The following CNTN5 variants were observed in gnomAD, a reference collection of about 807,000 sequenced individuals.
CNTN5 encodes contactin-5.
In CNTN5, 77 loss-of-function variants were observed where a neutral mutation model predicts 129.1. The observed-to-expected ratio is 0.60, with a 90% confidence interval of 0.50 to 0.72. The LOEUF (loss-of-function observed/expected upper bound fraction) is 0.72, where lower values mean the gene tolerates loss of function less well. Among genes scored for constraint, CNTN5 ranks in the 30% least tolerant of loss-of-function variants. The pLI is 0.00. For synonymous variants in CNTN5, 509 were observed against 465.6 expected, an observed-to-expected ratio of 1.09 and a Z score of -1.20; for missense variants, 1,478 against 1,328.8, an observed-to-expected ratio of 1.11 and a Z score of -1.75.
chr11:99,389,551 A>C (rs533974832), intron 2 of CNTN5, among the ~76,000 whole-genome samples: 1 of 152,322 alleles, frequency 6.6e-6, no homozygotes, highest in Non-Finnish European at 1.5e-5. Flanking sequence ...TTCCCTTTAT[A>C]GATAAGAATC....
At chr11:100,145,365 C>T (rs1049136714) in intron 13 of CNTN5, among the ~76,000 whole-genome samples, 2 of 152,188 alleles carry the variant, frequency 1.3e-5, no homozygotes, top group Middle Eastern at 3.4e-3. Context: ...TTGGTATTTT[C>T]AGACCTCTAA....
At chr11:99,950,347 G>C (rs184637337) in intron 7 of CNTN5, among the ~76,000 whole-genome samples, 53 of 152,190 alleles carry the variant, frequency 3.5e-4, no homozygotes, top group African/African-American at 1.3e-3. Context: ...CAGGTGTGGT[G>C]GTGGGCGCCT....
chr11:99,121,935 T>A (rs981930034), intron 1 of CNTN5, among the ~76,000 whole-genome samples: 4 of 151,892 alleles, frequency 2.6e-5, no homozygotes, highest in Admixed American at 1.3e-4. Context: ...TTTTTTATTT[T>A]AAAAAATAGA....
At chr11:99,868,241 G>A (rs978471801) in intron 6 of CNTN5, among the ~76,000 whole-genome samples, 1 of 151,108 alleles carries the variant, frequency 6.6e-6, no homozygotes, top group Non-Finnish European at 1.5e-5. Flanking sequence ...ACAAAAAATT[G>A]TATTCTACAT....
chr11:99,804,073 T>C (rs897942116), intron 3 of CNTN5, among the ~76,000 whole-genome samples: 6 of 152,112 alleles, frequency 3.9e-5, no homozygotes, highest in African/African-American at 1.4e-4. Flanking sequence ...TGTCAGAAAA[T>C]ACTCAAGTAC....
intron 2 of CNTN5, among the ~76,000 whole-genome samples, chr11:99,384,914 C>A (rs1940829978): frequency 6.6e-6 from 1 of 152,064 alleles, no homozygotes; most frequent in South Asian, 2.1e-4. Context: ...CCCCCTAACA[C>A]TTTTATATAA....
Position 99,819,649 on chromosome 11 carries a change from A to G in CNTN5, c.161A>G (p.Tyr54Cys), listed in dbSNP as rs1342121461. ...SLFGSKTRPRYSSPSLGTLSA... is the reference protein window; with the variant it reads ...SLFGSKTRPRCSSPSLGTLSA... ...TTTGGTTCCAAAACCAGACCACGATACAGCAGCCCTTCATTAGGAACACTG... is the reference window on the plus strand; with the variant it reads ...TTTGGTTCCAAAACCAGACCACGATGCAGCAGCCCTTCATTAGGAACACTG... The change falls in exon 4 of 25, where the codon TAC becomes TGC. Residue 54 changes from tyrosine to cysteine, a missense_variant. Tyr to Cys is a radical substitution (Grantham distance 194, BLOSUM62 -2). Transcript: ENST00000524871. The G allele has an allele frequency of 6.2e-7, 1 of 1,613,038 alleles. No individual in the cohort carries two copies. Among genetic ancestry groups the G allele is most frequent in the Admixed American group, 1.7e-5 (1 of 60,034 alleles).
intron 1 of CNTN5, among the ~76,000 whole-genome samples, chr11:99,083,239 T>C (rs922737726): frequency 6.6e-6 from 1 of 152,210 alleles, no homozygotes; most frequent in African/African-American, 2.4e-5. Flanking sequence ...TTCAGTGTTC[T>C]TCCCTCAGTT....
intron 9 of CNTN5, among the ~76,000 whole-genome samples, chr11:100,036,718 C>G (rs528649511): frequency 2.7e-5 from 4 of 149,922 alleles, no homozygotes; most frequent in African/African-American, 7.4e-5. Flanking sequence ...GTATTTTATT[C>G]TCTTTGAAGC....
At chr11:100,314,327 T>C (rs1951534640) in intron 21 of CNTN5, among the ~76,000 whole-genome samples, 1 of 152,144 alleles carries the variant, frequency 6.6e-6, no homozygotes, top group Non-Finnish European at 1.5e-5. Flanking sequence ...GAAAACTCTT[T>C]TAGCCTCAAA....
At chr11:100,147,631 C>A (rs926165951) in intron 13 of CNTN5, among the ~76,000 whole-genome samples, 2 of 151,716 alleles carry the variant, frequency 1.3e-5, no homozygotes, top group Non-Finnish European at 2.9e-5. Context: ...AAAAAAAATG[C>A]GTGTATTTGT....
At chr11:99,244,490 C>A (rs1861720249) in intron 1 of CNTN5, among the ~76,000 whole-genome samples, 1 of 152,098 alleles carries the variant, frequency 6.6e-6, no homozygotes, top group Non-Finnish European at 1.5e-5. Context: ...TATAAATTAA[C>A]AATGACCTTT....
intron 2 of CNTN5, among the ~76,000 whole-genome samples, chr11:99,492,785 A>T (rs555860255): frequency 3.9e-4 from 60 of 152,274 alleles, no homozygotes; most frequent in African/African-American, 1.4e-3. Flanking sequence ...TTATGCTTGG[A>T]TTTGAGGAAG....
At chr11:99,233,197 C>T (rs1262667178) in intron 1 of CNTN5, among the ~76,000 whole-genome samples, 16 of 152,118 alleles carry the variant, frequency 1.1e-4, no homozygotes, top group Admixed American at 1.0e-3. Flanking sequence ...ATTGAATTAT[C>T]CTAGATAAGA....
intron 1 of CNTN5, among the ~76,000 whole-genome samples, chr11:99,247,875 G>A (rs1406935287): frequency 3.3e-5 from 5 of 152,082 alleles, no homozygotes; most frequent in African/African-American, 1.2e-4. Flanking sequence ...TGGACATTTG[G>A]GTTGGTTCCA....
At chr11:99,894,530 CCAAAAAA>C (rs1565649068) in intron 6 of CNTN5, among the ~76,000 whole-genome samples, 10 of 93,858 alleles carry the variant, frequency 1.1e-4, no homozygotes, top group East Asian at 5.4e-4. Context: ...AAAAAAAAAA[CCAAAAAA>C]CAAAAAACAA....
At chr11:100,012,803 A>C (rs1940606320) in intron 9 of CNTN5, among the ~76,000 whole-genome samples, 1 of 152,182 alleles carries the variant, frequency 6.6e-6, no homozygotes, top group African/African-American at 2.4e-5. Flanking sequence ...CTTAATAGGC[A>C]AGACAAGTTA....
At chr11:99,929,376 C>A (rs1003040652) in intron 7 of CNTN5, among the ~76,000 whole-genome samples, 1 of 152,242 alleles carries the variant, frequency 6.6e-6, no homozygotes, top group African/African-American at 2.4e-5. Context: ...AATTTGCTTC[C>A]ACATTTTTGG....
intron 8 of CNTN5, among the ~76,000 whole-genome samples, chr11:99,968,075 C>T (rs776330342): frequency 3.3e-5 from 5 of 152,022 alleles, no homozygotes; most frequent in Non-Finnish European, 7.4e-5. Context: ...GCAAAATTCA[C>T]CATGTACACA....
Sources: gnomAD v4.1 joint callset for allele counts (sites outside exome capture counted in the v4.1 genomes callset) on GRCh38, gnomAD v4.1.1 for gene constraint, MANE v1.5 for transcripts, NCBI Gene and HGNC (gene_info 2026-07-23, HGNC 2026-07-21) for gene names.